Variants in ADARB1 observed in about 807,000 individuals in gnomAD.
ADARB1 encodes the protein double-stranded RNA-specific editase 1.
Under a neutral mutation model 52.4 loss-of-function variants are expected in ADARB1, and 10 were observed. That is an observed-to-expected ratio of 0.19 (90% CI 0.12 to 0.32). ADARB1 has a LOEUF of 0.32. Among genes scored for constraint, ADARB1 ranks in the 10% least tolerant of loss-of-function variants. ADARB1 has a pLI of 1.00. For missense variants in ADARB1, 643 were observed against 922.3 expected, an observed-to-expected ratio of 0.70 and a Z score of 3.92; for synonymous variants, 349 against 371.1, an observed-to-expected ratio of 0.94 and a Z score of 0.68.
chr21:45,121,898 C>T (rs2088214416), intron 1 of ADARB1, among the ~76,000 whole-genome samples: 3 of 152,136 alleles, frequency 2.0e-5, no homozygotes, highest in Non-Finnish European at 2.9e-5. Context: ...CAGCTGTATC[C>T]CCTCCTCTCG....
chr21:45,078,330 A>G (rs2086025342), intron 1 of ADARB1, among the ~76,000 whole-genome samples: 1 of 152,196 alleles, frequency 6.6e-6, no homozygotes, highest in African/African-American at 2.4e-5. Flanking sequence ...TCACCCATGC[A>G]TCCTGGCCCA....
chr21:45,090,374 T>A (rs189559782), intron 1 of ADARB1, among the ~76,000 whole-genome samples: 82 of 152,254 alleles, frequency 5.4e-4, no homozygotes, highest in South Asian at 2.1e-3. Flanking sequence ...TTTCATGTAG[T>A]TTACATGCTG....
At chr21:45,094,302 C>CT (rs1209620767) in intron 1 of ADARB1, among the ~76,000 whole-genome samples, 1 of 152,154 alleles carries the variant, frequency 6.6e-6, no homozygotes, top group Non-Finnish European at 1.5e-5. Context: ...TGGTCCGTGT[C>CT]TTTATCAAGC....
intron 2 of ADARB1, among the ~76,000 whole-genome samples, chr21:45,164,317 G>C (rs1760385204): frequency 6.6e-6 from 1 of 152,162 alleles, no homozygotes; most frequent in African/African-American, 2.4e-5. Flanking sequence ...CCCCAAGTTT[G>C]CCCCTGCGTT....
In ADARB1 at chr21:45,225,088, G is replaced by C; in HGVS notation, c.*2891G>C. ...GGCTTCTGTTGTTTTGTTTTGTTTT[G>C]TTTTGTTAACTAAACCTGAAGTATT... On this transcript the variant is annotated 3_prime_UTR_variant, in exon 11 of 11. Coordinates refer to ENST00000348831, the MANE Select transcript of ADARB1 (RefSeq NM_001112.4). The C allele has an allele frequency of 1.0e-6, 1 of 989,012 alleles. No individual in the cohort carries two copies. Among genetic ancestry groups the C allele is most frequent in the East Asian group, 1.1e-4 (1 of 8,986 alleles). 61.3% of individuals were successfully genotyped at this position (989,012 alleles called of 1,614,324 possible).
rs780028255 is a variant in ADARB1 at position 45,221,873 on chromosome 21, C to T, written c.1927-145C>T. Reference sequence around the variant, plus strand: ...GCACCTTGTTCTGTGTGAAGCCGTTCCCTTGGCAGAAGGCGCCTTCCTCTG... The same window carrying T: ...GCACCTTGTTCTGTGTGAAGCCGTTTCCTTGGCAGAAGGCGCCTTCCTCTG... On this transcript the variant is annotated intron_variant, in intron 10 of 10. Coordinates refer to ENST00000348831, the MANE Select transcript of ADARB1 (RefSeq NM_001112.4). The surrounding 1 kb of genome is among the most constrained non-coding windows in gnomAD (Gnocchi z 4.9). 2.1e-5 allele frequency: 17 copies of T among 809,020 alleles called. No individual in the cohort carries two copies. The highest frequency in any genetic ancestry group is 2.1e-4 in the African/African-American group (12 of 57,584). The allele number at this position is 809,020 out of a possible 1,614,324, so 50.1% of individuals were successfully genotyped here. A position where few individuals can be genotyped will look rare whatever the true frequency, so the allele number is the denominator to read the frequency against.
At chr21:45,114,429 A>G (rs2087718751) in intron 1 of ADARB1, among the ~76,000 whole-genome samples, 1 of 152,156 alleles carries the variant, frequency 6.6e-6, no homozygotes, top group Admixed American at 6.5e-5. Flanking sequence ...GCTCAGGCCC[A>G]TCCGTCATCC....
At chr21:45,147,686 G>A (rs1353965669) in intron 2 of ADARB1, among the ~76,000 whole-genome samples, 1 of 152,228 alleles carries the variant, frequency 6.6e-6, no homozygotes, top group South Asian at 2.1e-4. Flanking sequence ...AGCCGGGCTG[G>A]CCCCAGAGCT....
At position 45,114,425 on chromosome 21, in the gene ADARB1, G is replaced by A. The variant is rs942730560; in HGVS notation, c.-219-13977G>A. Among the ~76,000 whole-genome samples the A allele has an allele frequency of 2.0e-5, 3 of 152,176 alleles. No individual in the cohort carries two copies. In the East Asian group the frequency reaches 5.8e-4, roughly 29 times the overall value. On this transcript the variant is annotated intron_variant, in intron 1 of 10. Transcript: ENST00000348831. ...TTGTTCATAAAGCCTTGATGCTCAGGCCCATCCGTCATCCCGGGCAGGTGC... is the reference window on the plus strand; with the variant it reads ...TTGTTCATAAAGCCTTGATGCTCAGACCCATCCGTCATCCCGGGCAGGTGC...
chr21:45,151,634 G>A (rs1167330705), intron 2 of ADARB1, among the ~76,000 whole-genome samples: 4 of 152,332 alleles, frequency 2.6e-5, no homozygotes, highest in Admixed American at 6.5e-5. Context: ...CATCTCAGGG[G>A]AGGTATCTCC....
intron 2 of ADARB1, among the ~76,000 whole-genome samples, chr21:45,144,046 C>T (rs1330356603): frequency 6.6e-6 from 1 of 152,142 alleles, no homozygotes; most frequent in South Asian, 2.1e-4. Context: ...AGTACTGGTA[C>T]ATAGTAGATG....
chr21:45,154,815 C>A (rs1437325947), intron 2 of ADARB1, among the ~76,000 whole-genome samples: 1 of 152,210 alleles, frequency 6.6e-6, no homozygotes, highest in African/African-American at 2.4e-5. Flanking sequence ...ATGCTGCCAG[C>A]ACGAGACCTG....
chr21:45,205,868 G>A (rs914393996), intron 9 of ADARB1, among the ~76,000 whole-genome samples: 1 of 152,286 alleles, frequency 6.6e-6, no homozygotes. Flanking sequence ...TTGTGTTTGT[G>A]CTGCCTTGTT....
chr21:45,152,003 A>G (rs1420396691), intron 2 of ADARB1, among the ~76,000 whole-genome samples: 3 of 152,190 alleles, frequency 2.0e-5, no homozygotes, highest in Admixed American at 2.0e-4. Flanking sequence ...ACGTGAGTTA[A>G]GAGAGGAGGA....
rs545328458 is a variant in ADARB1, at chr21:45,102,701, A to G, written c.-219-25701A>G. On this transcript the variant is annotated intron_variant, in intron 1 of 10. Transcript: ENST00000348831. ...AGTATTGGATTATAGCCCAGAGATA[A>G]ATAAATATCCATGAGTCCAGACTGA... Among the ~76,000 whole-genome samples the G allele has an allele frequency of 9.2e-5, 14 of 152,352 alleles. 1 individual carries two copies. The highest frequency in any genetic ancestry group is 2.9e-4 in the African/African-American group (12 of 41,582).
chr21:45,203,279 C>T (rs1420260630), intron 8 of ADARB1, among the ~76,000 whole-genome samples: 1 of 152,234 alleles, frequency 6.6e-6, no homozygotes, highest in African/African-American at 2.4e-5. Flanking sequence ...CCTCCCTCAG[C>T]CTCACAGCCC....
At chr21:45,166,842 A>G (rs1275353501) in intron 2 of ADARB1, among the ~76,000 whole-genome samples, 1 of 151,872 alleles carries the variant, frequency 6.6e-6, no homozygotes, top group African/African-American at 2.4e-5. Flanking sequence ...ATTCTGAGAA[A>G]TGAAGAGGTT....
intron 2 of ADARB1, among the ~76,000 whole-genome samples, chr21:45,166,119 G>A (rs928757307): frequency 6.6e-6 from 1 of 151,908 alleles, no homozygotes; most frequent in East Asian, 1.9e-4. Flanking sequence ...TTTTATTCCA[G>A]GATATGTTTT....
At position 45,225,633 on chromosome 21, in the gene ADARB1, G is replaced by A; in HGVS notation, c.*3436G>A. ...CGAAGCTGTGGAGACTGCACATCCG[G>A]ACCTGCCCATGTCTCAAAACAAACA... is the stretch of plus-strand genomic sequence containing the variant. On this transcript the variant is annotated 3_prime_UTR_variant, in exon 11 of 11. Coordinates refer to ENST00000348831, the MANE Select transcript of ADARB1 (RefSeq NM_001112.4). 1 of 1,213,376 alleles carries A rather than the reference G, an allele frequency of 8.2e-7. No homozygotes were observed. Among genetic ancestry groups the A allele is most frequent in the Non-Finnish European group, 1.1e-6 (1 of 931,150 alleles). 75.2% of individuals were successfully genotyped at this position (1,213,376 alleles called of 1,614,324 possible). A position where few individuals can be genotyped will look rare whatever the true frequency, so the allele number is the denominator to read the frequency against.
Sources: allele counts gnomAD v4.1 joint callset (sites outside exome capture counted in the v4.1 genomes callset), GRCh38; gene constraint gnomAD v4.1.1; non-coding constraint Gnocchi (gnomAD v3.1); transcripts MANE v1.5; gene names NCBI Gene and HGNC (gene_info 2026-07-23, HGNC 2026-07-21).